WDR27: variants seen among roughly 807,000 people sequenced by gnomAD.
WDR27 encodes WD repeat-containing protein 27.
Under a neutral mutation model 114.4 loss-of-function variants are expected in WDR27, and 100 were observed. The ratio of observed to expected loss-of-function variants is 0.87; its 90% CI spans 0.74 to 1.03. The LOEUF is 1.03. Ranked by LOEUF, WDR27 falls within the 50% of genes least tolerant of loss-of-function variation. WDR27 has a pLI of 0.00. For synonymous variants in WDR27, 449 were observed against 423.1 expected, an observed-to-expected ratio of 1.06 and a Z score of -0.75; for missense variants, 1,129 against 1,092.9, an observed-to-expected ratio of 1.03 and a Z score of -0.47.
intron 25 of WDR27, among the ~76,000 whole-genome samples, chr6:169,486,855 T>C (rs746791336): frequency 6.6e-6 from 1 of 152,210 alleles, no homozygotes; most frequent in Non-Finnish European, 1.5e-5. Context: ...CCAGTTTCTT[T>C]ATTCATTGAC....
intron 2 of WDR27, among the ~76,000 whole-genome samples, chr6:169,677,612 A>G (rs1458377697): frequency 5.9e-5 from 9 of 152,258 alleles, no homozygotes; most frequent in African/African-American, 2.2e-4. Flanking sequence ...TTTACTTAAG[A>G]TATTTGTGTA....
At chr6:169,494,877 T>C (rs1030562568) in intron 25 of WDR27, among the ~76,000 whole-genome samples, 1 of 152,226 alleles carries the variant, frequency 6.6e-6, no homozygotes, top group African/African-American at 2.4e-5. Flanking sequence ...TGAAAGCATT[T>C]ACTAAAGTGC....
In WDR27 at chr6:169,565,757, C is replaced by T. The variant is rs571270105; in HGVS notation, c.2645+6662G>A. Among the ~76,000 whole-genome samples the T allele has an allele frequency of 5.3e-5, 8 of 152,354 alleles. No homozygotes were observed. The East Asian group carries it at 1.2e-3, about 22-fold the overall frequency. On this transcript the variant is annotated intron_variant, in intron 25 of 25. Transcript: ENST00000448612. ...TGGTCCAATCCTGGCTCACTTGCAG[C>T]ATCGACCTCCCAGGCTCCCGCGTAG... is the stretch of plus-strand genomic sequence containing the variant.
chr6:169,559,419 A>C (rs1259675272), intron 25 of WDR27: 2 of 152,198 alleles, frequency 1.3e-5, no homozygotes, highest in African/African-American at 4.8e-5. Context: ...CAGTCAGGAA[A>C]TATCTGGAAA....
the WDR27 span, among the ~76,000 whole-genome samples, chr6:169,447,405 T>G: frequency 6.6e-6 from 1 of 152,232 alleles, no homozygotes; most frequent in Non-Finnish European, 1.5e-5. Context: ...TCATCAGGCA[T>G]TTTAGTGGGA....
the WDR27 span, among the ~76,000 whole-genome samples, chr6:169,451,972 GT>G: frequency 1.3e-5 from 2 of 151,914 alleles, no homozygotes; most frequent in African/African-American, 2.4e-5. Context: ...TCTACTTATT[GT>G]TTCCTAATGC....
chr6:169,436,568 T>C, the WDR27 span, among the ~76,000 whole-genome samples: 1 of 152,234 alleles, frequency 6.6e-6, no homozygotes, highest in Admixed American at 6.5e-5. Context: ...AAATAATTAC[T>C]AGCTCTGTCT....
chr6:169,546,347 A>G (rs956762155), intron 25 of WDR27, among the ~76,000 whole-genome samples: 1 of 152,206 alleles, frequency 6.6e-6, no homozygotes, highest in Non-Finnish European at 1.5e-5. Context: ...GCTCTGTGAC[A>G]GCCACTCTGC....
In WDR27 at chr6:169,639,696, T is replaced by C. The variant is rs187466550; in HGVS notation, c.1748-1036A>G. On this transcript the variant is annotated intron_variant, in intron 17 of 25. Transcript: ENST00000448612. ...TATTTCGTACACCTGTAGGAGCTTT[T>C]CTGTCCACTCCCCACCTCATCCTAC... Among the ~76,000 whole-genome samples the C allele has an allele frequency of 2.7e-3, 407 of 152,234 alleles. 2 individuals are homozygous for C. Among genetic ancestry groups the C allele is most frequent in the African/African-American group, 9.5e-3 (393 of 41,534 alleles).
At chr6:169,454,260 T>C (rs1784265683), downstream of WDR27, among the ~76,000 whole-genome samples, 1 of 152,158 alleles carries the variant, frequency 6.6e-6, no homozygotes, top group Non-Finnish European at 1.5e-5. Flanking sequence ...ATGTTGGTCA[T>C]TGGGTATGGC....
chr6:169,435,323 G>T, the WDR27 span, among the ~76,000 whole-genome samples: 1 of 152,206 alleles, frequency 6.6e-6, no homozygotes, highest in Non-Finnish European at 1.5e-5. Context: ...CTGGGGCATT[G>T]CCTAGTGGAG....
intron 25 of WDR27, among the ~76,000 whole-genome samples, chr6:169,463,248 G>A (rs985677510): frequency 6.6e-6 from 1 of 152,210 alleles, no homozygotes; most frequent in African/African-American, 2.4e-5. Context: ...AGAGGGGGGT[G>A]TCAAACTTGC....
chr6:169,446,194 G>T, the WDR27 span, among the ~76,000 whole-genome samples: 1 of 152,242 alleles, frequency 6.6e-6, no homozygotes, highest in South Asian at 2.1e-4. Flanking sequence ...CACGAGCTGG[G>T]GGAGCGGGAA....
the WDR27 span, among the ~76,000 whole-genome samples, chr6:169,434,600 G>A: frequency 6.6e-6 from 1 of 152,072 alleles, no homozygotes; most frequent in Non-Finnish European, 1.5e-5. Flanking sequence ...TTTTAGCAAA[G>A]AGACCTGTGG....
At chr6:169,503,134 C>G (rs142441093) in intron 25 of WDR27, among the ~76,000 whole-genome samples, 4 of 152,070 alleles carry the variant, frequency 2.6e-5, no homozygotes, top group Admixed American at 1.3e-4. Context: ...AGCAGAGTGA[C>G]GAGAAAGAGG....
At chr6:169,548,247 G>A (rs80293812) in intron 25 of WDR27, among the ~76,000 whole-genome samples, 3,140 of 111,494 alleles carry the variant, frequency 0.028, 69 homozygotes, top group East Asian at 0.11. Flanking sequence ...TCCAGGTGTC[G>A]GTTCTTCCCA....
chr6:169,572,207 T>C (rs1485677643), intron 25 of WDR27, among the ~76,000 whole-genome samples: 3 of 152,262 alleles, frequency 2.0e-5, no homozygotes, highest in Non-Finnish European at 1.5e-5. Context: ...GAGTCTGAAG[T>C]ATAAAGAGAT....
At chr6:169,452,966 C>G (rs1413793985), downstream of WDR27, among the ~76,000 whole-genome samples, 2 of 152,216 alleles carry the variant, frequency 1.3e-5, no homozygotes, top group Admixed American at 1.3e-4. Flanking sequence ...GTGCAGTCAG[C>G]TTCCCCGGCC....
intron 25 of WDR27, among the ~76,000 whole-genome samples, chr6:169,459,697 A>T (rs1784688368): frequency 6.6e-6 from 1 of 152,156 alleles, no homozygotes; most frequent in Non-Finnish European, 1.5e-5. Flanking sequence ...GGAAGGAACA[A>T]GAGAAAAGTC....
Sources: gnomAD v4.1 joint callset for allele counts (sites outside exome capture counted in the v4.1 genomes callset) on GRCh38, gnomAD v4.1.1 for gene constraint, MANE v1.5 for transcripts, NCBI Gene and HGNC (gene_info 2026-07-23, HGNC 2026-07-21) for gene names.